The following COL11A1 variants were observed in gnomAD, a reference collection of about 807,000 sequenced individuals.
The protein encoded by COL11A1 is collagen type XI alpha 1 chain, also known as collagen alpha-1(XI) chain.
COL11A1 carries 74 observed loss-of-function variants against 265.2 expected under a neutral mutation model. That is an observed-to-expected ratio of 0.28 (90% confidence interval 0.23 to 0.34). The LOEUF (loss-of-function observed/expected upper bound fraction) is 0.34, where lower values mean the gene tolerates loss of function less well. COL11A1 is among the 10% of genes least tolerant of loss of function. COL11A1 has a pLI of 1.00. For synonymous variants in COL11A1, 816 were observed against 727.6 expected (o/e 1.12, Z -1.96); for missense variants, 2,165 against 2,263.6 (o/e 0.96, Z 0.88).
intron 31 of COL11A1, among the ~76,000 whole-genome samples, chr1:102,982,399 A>G (rs966065609): frequency 4.6e-5 from 7 of 152,068 alleles, no homozygotes; most frequent in African/African-American, 1.7e-4. Context: ...TTGCAATTTA[A>G]CTTAATAAAT....
At chr1:103,026,819 C>T (rs546840872) in intron 5 of COL11A1, among the ~76,000 whole-genome samples, 24 of 151,312 alleles carry the variant, frequency 1.6e-4, no homozygotes, top group South Asian at 1.5e-3. Context: ...TATTGAGAGA[C>T]GGGAAAGAGG....
At chr1:103,054,547 CAAT>C (rs1670078843) in intron 4 of COL11A1, among the ~76,000 whole-genome samples, 1 of 151,202 alleles carries the variant, frequency 6.6e-6, no homozygotes, top group South Asian at 2.1e-4. Flanking sequence ...TTAAATTCAG[CAAT>C]AATAAATGAA....
At chr1:103,098,423 A>G (rs1673964611) in intron 1 of COL11A1, among the ~76,000 whole-genome samples, 1 of 151,906 alleles carries the variant, frequency 6.6e-6, no homozygotes, top group Non-Finnish European at 1.5e-5. Flanking sequence ...AACATTATCT[A>G]TGAAACTTTA....
At chr1:103,026,563 C>A (rs963816526) in intron 5 of COL11A1, among the ~76,000 whole-genome samples, 2 of 151,938 alleles carry the variant, frequency 1.3e-5, no homozygotes, top group Admixed American at 1.3e-4. Context: ...GTTAGTATCA[C>A]GAGAAAACAA....
intron 42 of COL11A1, among the ~76,000 whole-genome samples, chr1:102,942,530 G>A (rs535444783): frequency 2.0e-5 from 3 of 150,812 alleles, no homozygotes; most frequent in South Asian, 2.1e-4. Context: ...CCTTGTAACC[G>A]TTCTTTATTT....
intron 4 of COL11A1, among the ~76,000 whole-genome samples, chr1:103,068,538 AAAGT>A (rs1447402087): frequency 6.6e-6 from 1 of 151,658 alleles, no homozygotes; most frequent in African/African-American, 2.4e-5. Flanking sequence ...GTCAGAAAAA[AAAGT>A]AAGAATACCT....
At chr1:102,980,428 T>C (rs1662928456) in intron 31 of COL11A1, among the ~76,000 whole-genome samples, 1 of 152,124 alleles carries the variant, frequency 6.6e-6, no homozygotes, top group African/African-American at 2.4e-5. Context: ...CACTGTATCA[T>C]AAAATAGAGA....
chr1:102,987,790 A>T (rs772615740), intron 29 of COL11A1, 50 bp from the exon 30 acceptor site: 2 of 1,379,342 alleles, frequency 1.4e-6, no homozygotes, highest in Non-Finnish European at 2.1e-6. Context: ...CCTTTACAAA[A>T]ATTGTAACAG....
intron 46 of COL11A1, among the ~76,000 whole-genome samples, chr1:102,933,593 C>T (rs1657785170): frequency 6.6e-6 from 1 of 152,200 alleles, no homozygotes; most frequent in African/African-American, 2.4e-5. Context: ...GCAGGCAGGC[C>T]TCCTTGAGCT....
chr1:102,923,485 A>C (rs1193049204), intron 46 of COL11A1, 96 bp from the exon 47 acceptor site: 2 of 906,782 alleles, frequency 2.2e-6, no homozygotes, highest in African/African-American at 3.4e-5. Context: ...ATAAAGTTCA[A>C]TAAGTACATG....
At chr1:102,941,192 C>T (rs1557850846) in intron 42 of COL11A1, among the ~76,000 whole-genome samples, 1 of 152,108 alleles carries the variant, frequency 6.6e-6, no homozygotes, top group Admixed American at 6.6e-5. Flanking sequence ...TCTCCTGCTC[C>T]TTTAAAATGA....
At chr1:102,966,093 T>G (rs778040175) in intron 37 of COL11A1, among the ~76,000 whole-genome samples, 19 of 152,344 alleles carry the variant, frequency 1.2e-4, no homozygotes, top group Middle Eastern at 3.4e-3. Flanking sequence ...TAAATGCATT[T>G]TGAAAATAAT....
chr1:103,101,179 G>A (rs966040047), intron 1 of COL11A1, among the ~76,000 whole-genome samples: 1 of 151,906 alleles, frequency 6.6e-6, no homozygotes, highest in African/African-American at 2.4e-5. Flanking sequence ...ATGGAAATGG[G>A]CTTGGGGAGG....
intron 1 of COL11A1, chr1:103,100,554 T>A (rs1674178341): frequency 6.6e-6 from 1 of 152,350 alleles, no homozygotes; most frequent in African/African-American, 2.4e-5. Flanking sequence ...GATTCTAACA[T>A]CACCTTTTAC....
At chr1:102,993,893 T>C (rs930757185) in intron 28 of COL11A1, among the ~76,000 whole-genome samples, 1 of 152,124 alleles carries the variant, frequency 6.6e-6, no homozygotes, top group African/African-American at 2.4e-5. Context: ...TGATCTATGG[T>C]TTATTGAATC....
chr1:102,898,849 A>G (rs1652786698), intron 55 of COL11A1, 76 bp from the exon 56 acceptor site: 1 of 1,414,968 alleles, frequency 7.1e-7, no homozygotes, highest in African/African-American at 1.4e-5. Flanking sequence ...GCACTGAAAA[A>G]AGTAGATCAG....
intron 46 of COL11A1, among the ~76,000 whole-genome samples, chr1:102,929,117 T>C (rs1313151967): frequency 7.0e-6 from 1 of 143,342 alleles, no homozygotes; most frequent in Non-Finnish European, 1.5e-5. Context: ...TTGTCAATTT[T>C]GGCTTTTGTT....
chr1:103,092,219 T>C (rs1673379489), intron 1 of COL11A1, among the ~76,000 whole-genome samples: 1 of 152,112 alleles, frequency 6.6e-6, no homozygotes, highest in African/African-American at 2.4e-5. Context: ...ATTTGAAATG[T>C]ATAGGTCCAG....
chr1:103,104,456 T>C (rs1290672304), intron 1 of COL11A1, among the ~76,000 whole-genome samples: 1 of 152,108 alleles, frequency 6.6e-6, no homozygotes, highest in African/African-American at 2.4e-5. Context: ...AATATTAATT[T>C]TTTACCAATT....
Sources: gnomAD v4.1 joint callset for allele counts (sites outside exome capture counted in the v4.1 genomes callset) on GRCh38, gnomAD v4.1.1 for gene constraint, MANE v1.5 for transcripts, NCBI Gene and HGNC (gene_info 2026-07-23, HGNC 2026-07-21) for gene names.